The following NOL4 variants were observed in gnomAD, a reference collection of about 807,000 sequenced individuals.
NOL4 encodes nucleolar protein 4, also known as cancer/testis antigen 125.
In NOL4, 17 loss-of-function variants were observed where a neutral mutation model predicts 75.9. The observed-to-expected ratio is 0.22, with a 90% CI of 0.15 to 0.34. The LOEUF is 0.34. Among genes scored for constraint, NOL4 ranks in the 10% least tolerant of loss-of-function variants. The probability of loss-of-function intolerance (pLI) is 1.00; values close to 1 mark genes in which losing one functional copy is unlikely to be tolerated. For synonymous variants in NOL4, 292 were observed against 289.9 expected, an observed-to-expected ratio of 1.01 and a Z score of -0.07; for missense variants, 614 against 793.5, an observed-to-expected ratio of 0.77 and a Z score of 2.72.
intron 1 of NOL4, among the ~76,000 whole-genome samples, chr18:34,137,989 G>A (rs1336879107): frequency 1.3e-5 from 2 of 152,046 alleles, no homozygotes; most frequent in Non-Finnish European, 2.9e-5. Context: ...ACCATAAAGA[G>A]AAATAAGTAC....
chr18:34,211,443 G>A (rs2036511090), intron 1 of NOL4, among the ~76,000 whole-genome samples: 1 of 152,014 alleles, frequency 6.6e-6, no homozygotes, highest in Non-Finnish European at 1.5e-5. Context: ...AGGTCAATTG[G>A]GTAGAGCATG....
At chr18:34,212,692 G>C (rs2036592371) in intron 1 of NOL4, among the ~76,000 whole-genome samples, 1 of 152,126 alleles carries the variant, frequency 6.6e-6, no homozygotes, top group African/African-American at 2.4e-5. Context: ...GTTCCCTCAG[G>C]CTGTTGGCAG....
intron 2 of NOL4, among the ~76,000 whole-genome samples, chr18:34,119,041 T>C (rs1220417921): frequency 6.6e-6 from 1 of 152,214 alleles, no homozygotes; most frequent in Non-Finnish European, 1.5e-5. Flanking sequence ...TATCTATTGG[T>C]AGTTATTTGA....
chr18:34,208,494 C>T (rs12966991), intron 1 of NOL4, among the ~76,000 whole-genome samples: 17,350 of 151,870 alleles, frequency 0.11, 1,166 homozygotes, highest in Non-Finnish European at 0.15. Context: ...CATATAAAGT[C>T]CTCCAAGGTT....
chr18:34,099,480 T>G (rs1368661153), intron 4 of NOL4, among the ~76,000 whole-genome samples: 1 of 152,042 alleles, frequency 6.6e-6, no homozygotes, highest in African/African-American at 2.4e-5. Context: ...TCTTCTGCCT[T>G]TCTTCAACCA....
intron 1 of NOL4, among the ~76,000 whole-genome samples, chr18:34,138,828 C>G (rs1322046631): frequency 6.6e-6 from 1 of 152,048 alleles, no homozygotes; most frequent in Non-Finnish European, 1.5e-5. Flanking sequence ...ATAAATAGCT[C>G]TTATTATTTT....
intron 10 of NOL4, among the ~76,000 whole-genome samples, chr18:33,865,550 G>T (rs530052710): frequency 1.9e-4 from 29 of 151,630 alleles, no homozygotes; most frequent in Non-Finnish European, 3.5e-4. Flanking sequence ...TTTTATCTGG[G>T]TCACTGCTAT....
At chr18:33,870,436 T>C (rs1409694484) in intron 10 of NOL4, among the ~76,000 whole-genome samples, 1 of 151,964 alleles carries the variant, frequency 6.6e-6, no homozygotes, top group African/African-American at 2.4e-5. Flanking sequence ...CTGTATGGCA[T>C]AGTTAATGCT....
chr18:34,156,874 C>T lies in NOL4; in HGVS notation c.265-26854G>A, dbSNP rs935992937. The stretch of plus-strand genomic sequence containing the variant: ...ATAAAATCCAAATTCCTCATCATGG[C>T]CCACAGAGTCATACAAAATCTGTCC... On this transcript the variant is annotated intron_variant, in intron 1 of 10. Coordinates refer to ENST00000261592, the MANE Select transcript of NOL4 (RefSeq NM_003787.5). 8.5e-5 allele frequency among the ~76,000 whole-genome samples: 13 copies of T among 152,088 alleles called. 1 individual carries two copies. The highest frequency in any genetic ancestry group is 8.5e-4 in the Admixed American group (13 of 15,256).
At chr18:33,905,598 A>G (rs1257697911) in intron 9 of NOL4, among the ~76,000 whole-genome samples, 1 of 152,170 alleles carries the variant, frequency 6.6e-6, no homozygotes, top group Non-Finnish European at 1.5e-5. Context: ...TGCCACTTCC[A>G]CTAACCTATC....
chr18:34,045,748 A>G (rs1336119188), intron 5 of NOL4, among the ~76,000 whole-genome samples: 2 of 152,212 alleles, frequency 1.3e-5, no homozygotes, highest in Non-Finnish European at 2.9e-5. Flanking sequence ...GTTGCTATTT[A>G]ACAGTCCTCT....
At chr18:33,917,657 G>A (rs1391254312) in intron 9 of NOL4, among the ~76,000 whole-genome samples, 1 of 151,840 alleles carries the variant, frequency 6.6e-6, no homozygotes, top group African/African-American at 2.4e-5. Context: ...ACTACACCTA[G>A]TTAATTTTTT....
At chr18:34,202,692 T>C (rs1047889094) in intron 1 of NOL4, among the ~76,000 whole-genome samples, 1 of 152,014 alleles carries the variant, frequency 6.6e-6, no homozygotes, top group Admixed American at 6.6e-5. Flanking sequence ...TGGTCATATT[T>C]GTGTTAGTGA....
chr18:34,092,401 A>C (rs570783264), intron 5 of NOL4, among the ~76,000 whole-genome samples: 4 of 152,310 alleles, frequency 2.6e-5, no homozygotes, highest in African/African-American at 7.2e-5. Context: ...TCATGCTAAC[A>C]AGGACACCAG....
At chr18:33,926,680 A>G (rs369014315) in intron 9 of NOL4, among the ~76,000 whole-genome samples, 1 of 150,980 alleles carries the variant, frequency 6.6e-6, no homozygotes, top group East Asian at 2.0e-4. Flanking sequence ...GGCTCACTGC[A>G]ACCTCTCACT....
rs556280082 is a variant in NOL4 at position 33,996,419 on chromosome 18, GA to G, written c.1056+22898del. 2.1e-3 allele frequency among the ~76,000 whole-genome samples: 318 copies of G among 151,778 alleles called. 5 individuals carry two copies. Among genetic ancestry groups the G allele is most frequent in the African/African-American group, 7.2e-3 (297 of 41,472 alleles). On this transcript the variant is annotated intron_variant, in intron 6 of 10. Coordinates refer to ENST00000261592, the MANE Select transcript of NOL4 (RefSeq NM_003787.5). ...TCTATTTATTTTAATTTAAGTCCAA[GA>G]TTTTTTTTCAAATTTATTTTATAAT...
chr18:34,193,129 TACAC>T (rs1212103543), intron 1 of NOL4, among the ~76,000 whole-genome samples: 1 of 152,156 alleles, frequency 6.6e-6, no homozygotes, highest in Admixed American at 6.5e-5. Flanking sequence ...ATTAAAGACT[TACAC>T]ACAAGACCTA....
At chr18:34,187,874 C>T (rs117974865) in intron 1 of NOL4, among the ~76,000 whole-genome samples, 148 of 152,260 alleles carry the variant, frequency 9.7e-4, no homozygotes, top group Non-Finnish European at 1.8e-3. Context: ...TTGCAGGATT[C>T]TGTTTTATTT....
At chr18:33,877,093 CAT>C (rs2063971849) in intron 10 of NOL4, among the ~76,000 whole-genome samples, 1 of 152,008 alleles carries the variant, frequency 6.6e-6, no homozygotes, top group African/African-American at 2.4e-5. Context: ...AAGAAATTCA[CAT>C]CATTTTTAAT....
Sources: allele counts gnomAD v4.1 joint callset (sites outside exome capture counted in the v4.1 genomes callset), GRCh38; gene constraint gnomAD v4.1.1; transcripts MANE v1.5; gene names NCBI Gene and HGNC (gene_info 2026-07-23, HGNC 2026-07-21).